The following CCNL1 variants were observed in gnomAD, a reference collection of about 807,000 sequenced individuals.
The protein encoded by CCNL1 is cyclin L1, also known as cyclin-L1.
Under a neutral mutation model 60.6 loss-of-function variants are expected in CCNL1, and 13 were observed. The ratio of observed to expected loss-of-function variants is 0.21; its 90% CI spans 0.14 to 0.34. The LOEUF (loss-of-function observed/expected upper bound fraction) is 0.34. CCNL1 is among the 10% of genes least tolerant of loss of function. The pLI is 1.00. For missense variants in CCNL1, 481 were observed against 664.3 expected (o/e 0.72, Z 3.03); for synonymous variants, 270 against 244.3 (o/e 1.10, Z -0.98).
chr3:157,151,850 A>G (rs1577071947), intron 5 of CCNL1: 1 of 1,176,720 alleles, frequency 8.5e-7, no homozygotes, highest in South Asian at 1.8e-5. Flanking sequence ...GCTGGAGAGC[A>G]GGGTAGCCAA....
chr3:157,147,443 A>T (rs1239752790), downstream of CCNL1: 2 of 304,124 alleles, frequency 6.6e-6, no homozygotes, highest in Non-Finnish European at 9.6e-6. Context: ...GAACTGTTAA[A>T]GCTCAATAGT....
At chr3:157,149,630 C>G (rs964879460) in intron 8 of CCNL1, 34 bp from the exon 9 acceptor site, 16 of 1,581,576 alleles carry the variant, frequency 1.0e-5, no homozygotes, top group Non-Finnish European at 1.4e-5. Flanking sequence ...ATGTTAACTA[C>G]TGGATTTAAC....
At chr3:157,151,205 C>T in intron 5 of CCNL1, 5 of 985,264 alleles carry the variant, frequency 5.1e-6, no homozygotes, top group Non-Finnish European at 6.0e-6. Flanking sequence ...TCTAACATTA[C>T]AAATATTTAC....
In CCNL1 at chr3:157,149,334, C is replaced by T. The variant is rs138500236; in HGVS notation, c.1185G>A (p.Ser395=). 55 of 1,613,982 alleles carry T rather than the reference C, an allele frequency of 3.4e-5. No homozygotes were observed. The Admixed American group carries it at 6.5e-4, about 19-fold the overall frequency. Residue 395 remains serine (S), a synonymous_variant, in exon 10 of 11, where the codon TCG becomes TCA. Transcript: ENST00000295926. Reference sequence around the variant, plus strand: ...TAGAACGTGATCGTGTTCTTGACCTCGATCGACTTGCACTTCTGCTATTTC... The same window carrying T: ...TAGAACGTGATCGTGTTCTTGACCTTGATCGACTTGCACTTCTGCTATTTC... ...RSRNSRSASR[S]RSRTRSRSRS...
chr3:157,156,559 A>G (rs1044573001), intron 3 of CCNL1, among the ~76,000 whole-genome samples: 2 of 152,182 alleles, frequency 1.3e-5, no homozygotes, highest in African/African-American at 4.8e-5. Context: ...CAAAAAACTG[A>G]AGGAGGAATA....
At chr3:157,145,567 G>A (rs1308521668), downstream of CCNL1, among the ~76,000 whole-genome samples, 1 of 149,952 alleles carries the variant, frequency 6.7e-6, no homozygotes, top group Non-Finnish European at 1.5e-5. Context: ...CAAAACATGA[G>A]ACAGAGAACA....
chr3:157,157,205 C>T, intron 3 of CCNL1: 1 of 858,214 alleles, frequency 1.2e-6, no homozygotes, highest in Non-Finnish European at 1.7e-6. Context: ...AAAAGGCTTC[C>T]ATGCAATTAA....
chr3:157,148,826 T>A, intron 10 of CCNL1: 2 of 512,970 alleles, frequency 3.9e-6, no homozygotes, highest in Non-Finnish European at 6.8e-6. Flanking sequence ...ATTTTTATAG[T>A]GTCCTAGAGC....
rs1403608232 is a variant in CCNL1, at chr3:157,153,054, A to G, written c.591T>C (p.His197=). 1 of 1,613,592 alleles carries G rather than the reference A, an allele frequency of 6.2e-7. No homozygotes were observed. The highest frequency in any genetic ancestry group is 1.1e-5 in the South Asian group (1 of 91,074). ...AACTCACCTTATGAGGATGCTTGAC[A>G]TGAACACAAAATCCCAACTCCTTTA... ...RVLKELGFCV[H]VKHPHKIIVM... is the part of the protein sequence containing the mutation. Residue 197 remains histidine, a synonymous_variant, in exon 4 of 11, where the codon CAT becomes CAC. Coordinates refer to ENST00000295926, the MANE Select transcript of CCNL1 (RefSeq NM_020307.4).
chr3:157,154,478 A>G (rs543117887), intron 3 of CCNL1: 1 of 152,304 alleles, frequency 6.6e-6, no homozygotes, highest in East Asian at 1.9e-4. Flanking sequence ...TTTTTAAGAC[A>G]GTCATCCTCT....
intron 4 of CCNL1, 159 bp from the exon 5 acceptor site, chr3:157,152,400 T>G (rs1301651653): frequency 7.5e-7 from 1 of 1,328,846 alleles, no homozygotes; most frequent in East Asian, 3.0e-5. Context: ...TGTGAACTGC[T>G]ACATGACTAG....
Position 157,148,210 on chromosome 3 carries a change from A to C in CCNL1, c.*31T>G. 1 of 1,595,072 alleles carries C rather than the reference A, an allele frequency of 6.3e-7. No homozygotes were observed. Among genetic ancestry groups the C allele is most frequent in the Non-Finnish European group, 8.5e-7 (1 of 1,170,628 alleles). On this transcript the variant is annotated 3_prime_UTR_variant, in exon 11 of 11. Transcript: ENST00000295926. ...ATCACACTGTAGATAGGCAAAACCA[A>C]GAACTGATGCAGGCTCAAAGGAAGA...
Position 157,148,360 on chromosome 3 carries a change from G to A in CCNL1, c.1462C>T (p.His488Tyr). Residue 488 changes from histidine to tyrosine, a missense_variant, in exon 11 of 11, where the codon CAC (histidine) becomes TAC (tyrosine). Physicochemically the swap from His to Tyr is moderately conservative, Grantham distance 83. This residue lies in a region of CCNL1 where 197 missense variants were observed against 233.9 expected (regional missense o/e 0.84). Coordinates refer to ENST00000295926, the MANE Select transcript of CCNL1 (RefSeq NM_020307.4). The stretch of plus-strand genomic sequence containing the variant: ...CTATGATGTCCCCTTTCATGCCTGT[G>A]TTTCTTGGCTGCATCTGAGTGATCC... ...SRDHSDAAKK[H>Y]RHERGHHRDR... 6.2e-7 allele frequency: 1 copy of A among 1,614,166 alleles called. No homozygotes were observed. The highest frequency in any genetic ancestry group is 8.5e-7 in the Non-Finnish European group (1 of 1,180,032).
chr3:157,159,590 C>G, intron 1 of CCNL1, 111 bp from the exon 2 acceptor site: 1 of 1,057,168 alleles, frequency 9.5e-7, no homozygotes, highest in South Asian at 1.4e-5. Context: ...CCGCCGCCGC[C>G]GCTGCGAACA....
At position 157,160,084 on chromosome 3, in the gene CCNL1, C is replaced by A; in HGVS notation, c.11G>T (p.Gly4Val). Reference sequence around the variant, plus strand: ...GGCAGCAGTAGCTGTCGAATGAGGCCCGGACGCCATAGTCTTAGCGAGCCG... The same window carrying A: ...GGCAGCAGTAGCTGTCGAATGAGGCACGGACGCCATAGTCTTAGCGAGCCG... MAS[G>V]PHSTATAAAA... The change falls in exon 1 of 11, where the codon GGG (glycine) becomes GTG (valine). Residue 4 changes from glycine to valine, a missense_variant. This residue lies in a region of CCNL1 where 65 missense variants were observed against 57.5 expected (regional missense o/e 1.13). Transcript: ENST00000295926. The A allele has an allele frequency of 6.4e-7, 1 of 1,551,300 alleles. No homozygotes were observed. The highest frequency in any genetic ancestry group is 8.7e-7 in the Non-Finnish European group (1 of 1,148,352).
intron 10 of CCNL1, 68 bp downstream of exon 10, chr3:157,149,219 T>C: frequency 2.4e-6 from 3 of 1,275,842 alleles, no homozygotes; most frequent in Non-Finnish European, 3.4e-6. Flanking sequence ...TGTTCAATTT[T>C]TAAAGAAAAA....
At chr3:157,147,066 A>T (rs907537723), downstream of CCNL1, among the ~76,000 whole-genome samples, 11 of 152,182 alleles carry the variant, frequency 7.2e-5, no homozygotes, top group African/African-American at 2.4e-4. Flanking sequence ...CTTTATTTTT[A>T]AAAATATCCT....
chr3:157,151,764 C>G (rs1019320121), intron 5 of CCNL1: 1 of 1,022,668 alleles, frequency 9.8e-7, no homozygotes, highest in Non-Finnish European at 1.2e-6. Flanking sequence ...TTTGACACCC[C>G]GACAGAACTA....
chr3:157,150,670 A>G (rs1317921480), intron 5 of CCNL1: 8 of 1,090,802 alleles, frequency 7.3e-6, no homozygotes, highest in Non-Finnish European at 3.4e-6. Flanking sequence ...ATTTCTGTAA[A>G]AAGCAATGCT....
Sources: gnomAD v4.1 joint callset for allele counts (sites outside exome capture counted in the v4.1 genomes callset) on GRCh38, gnomAD v4.1.1 for gene constraint, gnomAD v4.1.1 regional missense constraint, MANE v1.5 for transcripts, NCBI Gene and HGNC (gene_info 2026-07-23, HGNC 2026-07-21) for gene names.